Variants in NDUFA10 observed in about 807,000 individuals in gnomAD.
NDUFA10 encodes the protein NADH dehydrogenase [ubiquinone] 1 alpha subcomplex subunit 10, mitochondrial.
In NDUFA10, 40 loss-of-function variants were observed where a neutral mutation model predicts 47.8. The observed-to-expected ratio is 0.84, with a 90% CI of 0.65 to 1.09. NDUFA10 has a LOEUF of 1.09. Ranked by LOEUF, NDUFA10 falls within the 50% of genes least tolerant of loss-of-function variation. The pLI, the probability that NDUFA10 is intolerant of heterozygous loss-of-function variation, is 0.00. For missense variants in NDUFA10, 413 were observed against 451.1 expected, an observed-to-expected ratio of 0.92 and a Z score of 0.76; for synonymous variants, 183 against 172.2, an observed-to-expected ratio of 1.06 and a Z score of -0.49.
chr2:239,903,941 G>A (rs1693599259), intron 4 of NDUFA10, among the ~76,000 whole-genome samples: 2 of 152,216 alleles, frequency 1.3e-5, no homozygotes, highest in Admixed American at 1.3e-4. Flanking sequence ...CCTCAGGGCT[G>A]CAGAGAACCA....
chr2:239,954,810 A>AATGG (rs1188545933), downstream of NDUFA10, among the ~76,000 whole-genome samples: 1 of 77,896 alleles, frequency 1.3e-5, no homozygotes, highest in Non-Finnish European at 2.3e-5. Flanking sequence ...TGCTCCCCCA[A>AATGG]GTGGGTTGGC....
intron 4 of NDUFA10, among the ~76,000 whole-genome samples, chr2:239,904,994 G>A (rs1693621346): frequency 6.6e-6 from 1 of 152,204 alleles, no homozygotes; most frequent in South Asian, 2.1e-4. Flanking sequence ...TCATTGGGAA[G>A]CCCTAATCCA....
chr2:239,933,047 C>T (rs148379092), intron 4 of NDUFA10, among the ~76,000 whole-genome samples: 2,410 of 152,188 alleles, frequency 0.016, 35 homozygotes, highest in Middle Eastern at 0.058. Flanking sequence ...GTCTGTCTCC[C>T]GTGGCAGGGC....
chr2:239,985,474 C>CAA (rs879441423), intron 9 of NDUFA10, among the ~76,000 whole-genome samples: 3 of 120,566 alleles, frequency 2.5e-5, no homozygotes, highest in Admixed American at 8.6e-5. Flanking sequence ...GATGCACACT[C>CAA]AAAAAAAAAA....
At chr2:239,916,053 C>CACACACACAGA (rs765014028) in intron 4 of NDUFA10, among the ~76,000 whole-genome samples, 26,511 of 148,062 alleles carry the variant, frequency 0.18, 2,870 homozygotes, top group African/African-American at 0.29. Flanking sequence ...CACAAACATA[C>CACACACACAGA]ACACACACAT....
Position 239,904,741 on chromosome 2 carries a change from G to A in NDUFA10, c.295-9427C>T, listed in dbSNP as rs532225421. Among the ~76,000 whole-genome samples, 15 of 152,320 alleles carry A rather than the reference G, an allele frequency of 9.8e-5. No individual in the cohort carries two copies. In the East Asian group the frequency reaches 1.5e-3, roughly 16 times the overall value. ...CATAACACCTGGCCACACATCAGGCGGGGTGCTTACAACAGCAGACACACT... is the reference window on the plus strand; with the variant it reads ...CATAACACCTGGCCACACATCAGGCAGGGTGCTTACAACAGCAGACACACT... On this transcript the variant is annotated intron_variant, in intron 4 of 5. Coordinates refer to the NDUFA10 transcript ENST00000419408.
At chr2:239,904,937 C>T (rs1175532999) in intron 4 of NDUFA10, among the ~76,000 whole-genome samples, 1 of 152,200 alleles carries the variant, frequency 6.6e-6, no homozygotes, top group Non-Finnish European at 1.5e-5. Flanking sequence ...ACCGGCGTCT[C>T]ACTGTGTCTG....
chr2:239,959,826 GAGGAAAGAAGGA>G lies in NDUFA10; in HGVS notation c.*1280_*1291del, dbSNP rs1028763618. ...GGAAGAAAGGAAGGGAGGGAAGGAGGAGGAAAGAAGGAGGGAAGGAAGGGGAGAGGGAAAAAG... is the reference window on the plus strand; with the variant it reads ...GGAAGAAAGGAAGGGAGGGAAGGAGGGGGAAGGAAGGGGAGAGGGAAAAAG... On this transcript the variant is annotated 3_prime_UTR_variant, in exon 10 of 10. Transcript: ENST00000252711. The G allele has an allele frequency of 7.7e-6, 7 of 908,414 alleles. No individual in the cohort carries two copies. In the African/African-American group the frequency reaches 1.1e-4, roughly 14 times the overall value. 56.3% of individuals were successfully genotyped at this position (908,414 alleles called of 1,614,324 possible).
chr2:239,981,572 G>C (rs1695776065), intron 9 of NDUFA10, among the ~76,000 whole-genome samples: 2 of 152,124 alleles, frequency 1.3e-5, no homozygotes, highest in South Asian at 4.1e-4. Context: ...GAAAATCCTG[G>C]AAGAAAAACG....
In NDUFA10 at chr2:239,945,915, C is replaced by G. The variant is rs75735954; in HGVS notation, c.294+44159G>C. Among the ~76,000 whole-genome samples, 11,546 of 152,190 alleles carry G rather than the reference C, an allele frequency of 0.076. 958 individuals carry two copies. The highest frequency in any genetic ancestry group is 0.21 in the African/African-American group (8,586 of 41,488). On this transcript the variant is annotated intron_variant, in intron 4 of 5. Coordinates refer to the NDUFA10 transcript ENST00000419408. This position sits in a 1 kb window ranked among gnomAD's most constrained non-coding sequence, Gnocchi z 4.6. ...GTGCCTGGAGCAGGAGGGTGGAAGA[C>G]ACTGCGCTGAGAATGGGATCCGCTT...
intron 8 of NDUFA10, among the ~76,000 whole-genome samples, chr2:239,995,332 C>A (rs1260634247): frequency 1.3e-5 from 2 of 151,988 alleles, no homozygotes; most frequent in Non-Finnish European, 2.9e-5. Context: ...GCAGGAGGAG[C>A]CAAGAAGACT....
chr2:239,911,993 G>A (rs540439958), intron 4 of NDUFA10, among the ~76,000 whole-genome samples: 51 of 152,240 alleles, frequency 3.3e-4, no homozygotes, highest in Admixed American at 8.5e-4. Flanking sequence ...GGGACCATGC[G>A]TCTAGCAGGC....
chr2:239,911,583 T>C (rs1693755075), intron 4 of NDUFA10, among the ~76,000 whole-genome samples: 1 of 152,130 alleles, frequency 6.6e-6, no homozygotes, highest in Admixed American at 6.5e-5. Context: ...GCTGGCATGA[T>C]TCAAACCTTT....
chr2:240,004,053 T>G (rs1169716102), intron 8 of NDUFA10, among the ~76,000 whole-genome samples: 1 of 152,130 alleles, frequency 6.6e-6, no homozygotes, highest in Non-Finnish European at 1.5e-5. Context: ...GGGGTCACTG[T>G]GCCTGCCAGA....
intron 8 of NDUFA10, among the ~76,000 whole-genome samples, chr2:239,995,591 A>G (rs1696440575): frequency 6.6e-6 from 1 of 152,236 alleles, no homozygotes; most frequent in Admixed American, 6.5e-5. Context: ...AGCATGGTAA[A>G]ATGGAACTTG....
intron 4 of NDUFA10, among the ~76,000 whole-genome samples, chr2:239,921,112 T>C (rs1300076061): frequency 6.6e-6 from 1 of 152,104 alleles, no homozygotes; most frequent in Non-Finnish European, 1.5e-5. Flanking sequence ...CAAATCAATA[T>C]GGTGGCTCGA....
intron 4 of NDUFA10, among the ~76,000 whole-genome samples, chr2:239,913,070 ACTG>A (rs1346906320): frequency 6.6e-6 from 1 of 151,946 alleles, no homozygotes; most frequent in Non-Finnish European, 1.5e-5. Flanking sequence ...ACTCGGGGCC[ACTG>A]CTGAGTGGGG....
At chr2:240,013,681 A>G (rs115421283) in intron 5 of NDUFA10, 13,394 of 152,278 alleles carry the variant, frequency 0.088, 694 homozygotes, top group Admixed American at 0.14. Flanking sequence ...AGTTAGTCCC[A>G]TGGATCTTTC....
chr2:239,895,100 G>T, intron 5 of NDUFA10: 1 of 263,650 alleles, frequency 3.8e-6, no homozygotes. Flanking sequence ...GAAGAATCTT[G>T]CCTTCACCCT....
Sources: allele counts gnomAD v4.1 joint callset (sites outside exome capture counted in the v4.1 genomes callset), GRCh38; gene constraint gnomAD v4.1.1; non-coding constraint Gnocchi (gnomAD v3.1); transcripts MANE v1.5; gene names NCBI Gene and HGNC (gene_info 2026-07-23, HGNC 2026-07-21).